The following SCFD2 variants were observed in gnomAD, a reference collection of about 807,000 sequenced individuals.
SCFD2 encodes the protein sec1 family domain containing 2, also known as sec1 family domain-containing protein 2.
Under a neutral mutation model 58.9 loss-of-function variants are expected in SCFD2, and 54 were observed. That is an observed-to-expected ratio of 0.92 (90% confidence interval 0.74 to 1.15). The LOEUF (loss-of-function observed/expected upper bound fraction) is 1.15, where lower values mean the gene tolerates loss of function less well. Ranked by LOEUF, SCFD2 falls within the 50% of genes most tolerant of loss-of-function variation. SCFD2 has a pLI of 0.00. For missense variants in SCFD2, 805 were observed against 836.6 expected, an observed-to-expected ratio of 0.96 and a Z score of 0.47; for synonymous variants, 321 against 335.9, an observed-to-expected ratio of 0.96 and a Z score of 0.49.
chr4:53,022,597 A>G (rs1201534098), intron 5 of SCFD2, among the ~76,000 whole-genome samples: 1 of 152,102 alleles, frequency 6.6e-6, no homozygotes, highest in East Asian at 1.9e-4. Flanking sequence ...GAGTTGGGAG[A>G]ACTGGTTTTG....
At chr4:53,167,688 C>G (rs775968388) in intron 4 of SCFD2, among the ~76,000 whole-genome samples, 9 of 151,954 alleles carry the variant, frequency 5.9e-5, no homozygotes, top group Non-Finnish European at 1.3e-4. Context: ...ACATGAGAAC[C>G]TAGGATAAAG....
At chr4:52,880,955 G>A (rs1189555205) in intron 8 of SCFD2, among the ~76,000 whole-genome samples, 1 of 152,260 alleles carries the variant, frequency 6.6e-6, no homozygotes, top group Non-Finnish European at 1.5e-5. Flanking sequence ...TTGGGCACAT[G>A]CGGATCAGAG....
chr4:53,024,687 G>T (rs1722428160), intron 5 of SCFD2, among the ~76,000 whole-genome samples: 1 of 146,090 alleles, frequency 6.8e-6, no homozygotes, highest in African/African-American at 2.6e-5. Context: ...TTATTGAAAG[G>T]TGTTTATGTC....
At chr4:53,332,422 G>A (rs1352521055) in intron 2 of SCFD2, among the ~76,000 whole-genome samples, 4 of 151,590 alleles carry the variant, frequency 2.6e-5, no homozygotes, top group Non-Finnish European at 4.4e-5. Flanking sequence ...CTTCATCCCT[G>A]GGATGCAAGG....
chr4:53,251,685 C>G (rs199502899), intron 4 of SCFD2, among the ~76,000 whole-genome samples: 37 of 151,620 alleles, frequency 2.4e-4, no homozygotes, highest in East Asian at 2.3e-3. Flanking sequence ...ATTCAACAAC[C>G]CTTCATGCTA....
chr4:53,344,396 T>C (rs932521426), intron 2 of SCFD2, among the ~76,000 whole-genome samples: 43 of 152,254 alleles, frequency 2.8e-4, no homozygotes, highest in Non-Finnish European at 5.0e-4. Context: ...TTACAAGGGA[T>C]GTGAAGGACC....
chr4:53,268,689 G>A (rs1223997127), intron 4 of SCFD2, among the ~76,000 whole-genome samples: 1 of 152,080 alleles, frequency 6.6e-6, no homozygotes, highest in Non-Finnish European at 1.5e-5. Context: ...GAAGGCAGAG[G>A]CAGGGGCAGC....
intron 5 of SCFD2, among the ~76,000 whole-genome samples, chr4:52,976,182 AT>A (rs1477279272): frequency 1.3e-5 from 2 of 152,250 alleles, no homozygotes; most frequent in East Asian, 3.9e-4. Flanking sequence ...TATAAAAAAA[AT>A]TGGTTGTTTC....
At chr4:52,914,872 G>A (rs965103471) in intron 6 of SCFD2, among the ~76,000 whole-genome samples, 5 of 152,156 alleles carry the variant, frequency 3.3e-5, no homozygotes, top group African/African-American at 1.2e-4. Context: ...AGGCTGGCCT[G>A]ATAGCTTGGT....
intron 2 of SCFD2, among the ~76,000 whole-genome samples, chr4:53,329,597 A>C (rs1224975705): frequency 6.6e-6 from 1 of 151,986 alleles, no homozygotes; most frequent in Non-Finnish European, 1.5e-5. Flanking sequence ...CCATCTGTAC[A>C]TCACCATCAT....
rs9992860 is a variant in SCFD2, at chr4:53,337,415, T to G, written c.1007+15183A>C. Among the ~76,000 whole-genome samples the G allele has an allele frequency of 2.0e-3, 312 of 152,338 alleles. 2 individuals carry two copies. The highest frequency in any genetic ancestry group is 7.3e-3 in the African/African-American group (303 of 41,580). On this transcript the variant is annotated intron_variant, in intron 2 of 8. Coordinates refer to ENST00000401642, the MANE Select transcript of SCFD2 (RefSeq NM_152540.4). Reference sequence around the variant, plus strand: ...ACTCTGAGGTACAGGGCATTAAATCTTCAACATATGAACTTGGGAGGAGGA... The same window carrying G: ...ACTCTGAGGTACAGGGCATTAAATCGTCAACATATGAACTTGGGAGGAGGA...
At position 53,365,690 on chromosome 4, in the gene SCFD2, C is replaced by A. The variant is rs1734680715; in HGVS notation, c.252G>T (p.Arg84=). The change falls in exon 1 of 9, where the codon CGG becomes CGT. Residue 84 remains arginine (R), a synonymous_variant. Coordinates refer to ENST00000401642, the MANE Select transcript of SCFD2 (RefSeq NM_152540.4). The surrounding 1 kb of genome is among the most constrained non-coding windows in gnomAD (Gnocchi z 4.3). ...VFVLSCLLKG[R]TVEILRDIIC... is the part of the protein sequence containing the mutation. ...TGATGTCCCGTAGGATCTCCACGGT[C>A]CGGCCTTTCAGCAGGCAGCTCAGCA... 1 of 1,614,200 alleles carries A rather than the reference C, an allele frequency of 6.2e-7. No individual in the cohort carries two copies. Among genetic ancestry groups the A allele is most frequent in the Non-Finnish European group, 8.5e-7 (1 of 1,180,042 alleles).
intron 5 of SCFD2, among the ~76,000 whole-genome samples, chr4:53,058,390 G>A (rs1270077906): frequency 2.0e-5 from 3 of 151,968 alleles, no homozygotes; most frequent in Non-Finnish European, 2.9e-5. Context: ...CAACTATATA[G>A]TTAACTGTAT....
chr4:52,987,795 G>C (rs559417799), intron 5 of SCFD2, among the ~76,000 whole-genome samples: 1 of 152,180 alleles, frequency 6.6e-6, no homozygotes, highest in Non-Finnish European at 1.5e-5. Flanking sequence ...CAACTATTCT[G>C]CTATCCACAA....
At chr4:53,303,279 A>C (rs1415972350) in intron 3 of SCFD2, among the ~76,000 whole-genome samples, 1 of 152,210 alleles carries the variant, frequency 6.6e-6, no homozygotes, top group East Asian at 1.9e-4. Context: ...AACCCATCGA[A>C]AAGTGGGCGA....
chr4:53,346,469 T>C (rs2149156512), intron 2 of SCFD2, among the ~76,000 whole-genome samples: 1 of 152,210 alleles, frequency 6.6e-6, no homozygotes, highest in Non-Finnish European at 1.5e-5. Flanking sequence ...AGAAAGGGTT[T>C]TACCATGTTG....
intron 5 of SCFD2, among the ~76,000 whole-genome samples, chr4:53,139,325 G>C (rs908338899): frequency 1.3e-5 from 2 of 151,670 alleles, no homozygotes; most frequent in African/African-American, 2.4e-5. Context: ...GTCTCTGCCC[G>C]GCCGCCCATC....
intron 5 of SCFD2, among the ~76,000 whole-genome samples, chr4:53,071,893 A>C (rs114334266): frequency 0.03 from 4,575 of 152,250 alleles, 95 homozygotes; most frequent in Middle Eastern, 0.044. Context: ...AATTGTTTCT[A>C]CTTTTTGATA....
At chr4:53,271,526 A>G (rs563978881) in intron 4 of SCFD2, among the ~76,000 whole-genome samples, 94 of 151,812 alleles carry the variant, frequency 6.2e-4, no homozygotes, top group African/African-American at 2.2e-3. Flanking sequence ...GCAGTGGCAC[A>G]ATCTCAGCTC....
Sources: allele counts gnomAD v4.1 joint callset (sites outside exome capture counted in the v4.1 genomes callset), GRCh38; gene constraint gnomAD v4.1.1; non-coding constraint Gnocchi (gnomAD v3.1); transcripts MANE v1.5; gene names NCBI Gene and HGNC (gene_info 2026-07-23, HGNC 2026-07-21).